ELOVL4: variants seen among roughly 807,000 people sequenced by gnomAD.
ELOVL4 encodes the protein very long chain fatty acid elongase 4.
Under a neutral mutation model 42.1 loss-of-function variants are expected in ELOVL4, and 18 were observed. That is an observed-to-expected ratio of 0.43 (90% CI 0.30 to 0.63). ELOVL4 has a LOEUF of 0.63. ELOVL4 is among the 30% of genes least tolerant of loss of function. The probability of loss-of-function intolerance (pLI) is 0.15; values close to 1 mark genes in which losing one functional copy is unlikely to be tolerated. For synonymous variants in ELOVL4, 117 were observed against 127.0 expected, an observed-to-expected ratio of 0.92 and a Z score of 0.53; for missense variants, 299 against 376.2, an observed-to-expected ratio of 0.79 and a Z score of 1.70.
In ELOVL4 at chr6:79,916,404, A is replaced by C. The variant is rs190076798; in HGVS notation, c.*204T>G. 327 of 613,448 alleles carry C rather than the reference A, an allele frequency of 5.3e-4. 1 individual carries two copies. The highest frequency in any genetic ancestry group is 5.1e-3 in the African/African-American group (274 of 54,070). The allele number at this position is 613,448 out of a possible 1,614,324, so 38.0% of individuals were successfully genotyped here. On this transcript the variant is annotated 3_prime_UTR_variant, in exon 6 of 6. Coordinates refer to ENST00000369816, the MANE Select transcript of ELOVL4 (RefSeq NM_022726.4). ...GAGAATATCAAGGCTAATTTTTAAA[A>C]AAAATGTTTAAAATAAAAACTTCAT...
chr6:79,929,486 C>G (rs1296799765), intron 1 of ELOVL4, among the ~76,000 whole-genome samples: 1 of 152,126 alleles, frequency 6.6e-6, no homozygotes, highest in African/African-American at 2.4e-5. Flanking sequence ...AGCAATCCAT[C>G]CACCTTGGCC....
At chr6:79,947,109 G>C in intron 1 of ELOVL4, 71 bp downstream of exon 1, 1 of 1,288,710 alleles carries the variant, frequency 7.8e-7, no homozygotes, top group Non-Finnish European at 1.1e-6. Context: ...CCGGGCCCGG[G>C]AGCTGCGAGA....
intron 1 of ELOVL4, among the ~76,000 whole-genome samples, chr6:79,931,729 C>A (rs1374558977): frequency 2.6e-5 from 4 of 152,094 alleles, no homozygotes; most frequent in African/African-American, 9.7e-5. Flanking sequence ...GAGGCCTCAG[C>A]AAATACTAAG....
intron 5 of ELOVL4, among the ~76,000 whole-genome samples, chr6:79,918,221 A>G (rs1238118378): frequency 6.6e-6 from 1 of 152,210 alleles, no homozygotes; most frequent in Non-Finnish European, 1.5e-5. Flanking sequence ...ATACTATATT[A>G]AACTTTTATA....
At chr6:79,932,502 G>A (rs1198651033) in intron 1 of ELOVL4, among the ~76,000 whole-genome samples, 3 of 150,992 alleles carry the variant, frequency 2.0e-5, no homozygotes, top group Admixed American at 6.6e-5. Flanking sequence ...CTGGAATCAC[G>A]CACTGCACTC....
chr6:79,921,544 CA>C (rs1317564626), intron 4 of ELOVL4, 80 bp downstream of exon 4: 69 of 1,088,484 alleles, frequency 6.3e-5, no homozygotes, highest in Non-Finnish European at 9.3e-5. Flanking sequence ...TAGATCAAGT[CA>C]AAGTCCTAGG....
intron 1 of ELOVL4, among the ~76,000 whole-genome samples, chr6:79,944,881 TTTTG>T (rs1389319451): frequency 1.3e-5 from 2 of 151,638 alleles, no homozygotes; most frequent in Non-Finnish European, 2.9e-5. Flanking sequence ...ACTCACCAAC[TTTTG>T]TTTAACCTCA....
chr6:79,935,379 A>T (rs1460574562), intron 1 of ELOVL4, among the ~76,000 whole-genome samples: 8 of 152,198 alleles, frequency 5.3e-5, no homozygotes, highest in African/African-American at 1.9e-4. Context: ...AACAGTAATT[A>T]AAAAAATTTT....
intron 1 of ELOVL4, among the ~76,000 whole-genome samples, chr6:79,929,072 A>G (rs1774398967): frequency 6.7e-6 from 1 of 148,820 alleles, no homozygotes; most frequent in South Asian, 2.1e-4. Flanking sequence ...AGCACAATCT[A>G]TCTTCATTTC....
At chr6:79,936,926 A>T (rs1363911390) in intron 1 of ELOVL4, among the ~76,000 whole-genome samples, 1 of 152,208 alleles carries the variant, frequency 6.6e-6, no homozygotes, top group Admixed American at 6.5e-5. Context: ...AGCAGGGAAA[A>T]TTTCTGTTCT....
At position 79,947,028 on chromosome 6, in the gene ELOVL4, C is replaced by G. The variant is rs78496216; in HGVS notation, c.100+152G>C. On this transcript the variant is annotated intron_variant, in intron 1 of 5. Coordinates refer to ENST00000369816, the MANE Select transcript of ELOVL4 (RefSeq NM_022726.4). ...CGGATCAGATTAACCAGTGCTCAACCGCAGTGCCCGCGCCGGCCCCTCCGC... is the reference window on the plus strand; with the variant it reads ...CGGATCAGATTAACCAGTGCTCAACGGCAGTGCCCGCGCCGGCCCCTCCGC... The G allele has an allele frequency of 7.4e-6, 5 of 676,230 alleles. No homozygotes were observed. The Admixed American group carries it at 1.1e-4, about 15-fold the overall frequency. 41.9% of individuals were successfully genotyped at this position (676,230 alleles called of 1,614,324 possible).
At chr6:79,932,948 C>G (rs239532) in intron 1 of ELOVL4, among the ~76,000 whole-genome samples, 35,510 of 151,854 alleles carry the variant, frequency 0.23, 6,017 homozygotes, top group African/African-American at 0.48. Context: ...TCTTTTTTCA[C>G]GGGGCAGAAT....
At position 79,923,652 on chromosome 6, in the gene ELOVL4, A is replaced by G. The variant is rs141927271; in HGVS notation, c.369+1300T>C. ...TCTAGGTTTTATTTCCTCCTTAGTC[A>G]TTTGTTTACATGGCTGCTGTCTGCC... On this transcript the variant is annotated intron_variant, in intron 3 of 5. Transcript: ENST00000369816. 1.3e-3 allele frequency among the ~76,000 whole-genome samples: 196 copies of G among 152,214 alleles called. 1 individual carries two copies. The highest frequency in any genetic ancestry group is 4.5e-3 in the African/African-American group (187 of 41,518).
At chr6:79,945,145 C>A (rs1397084590) in intron 1 of ELOVL4, among the ~76,000 whole-genome samples, 1 of 152,120 alleles carries the variant, frequency 6.6e-6, no homozygotes, top group East Asian at 1.9e-4. Context: ...ATCCACTAAG[C>A]CTCTCTGTTG....
rs1417581582 is a variant in ELOVL4, at chr6:79,947,366, G to A, written c.-87C>T. ...CGGAGGCGGTGGCGGCCGACGGGGC[G>A]AGCGGCGGCCGGGAACCCCTCTAAC... is the stretch of plus-strand genomic sequence containing the variant. On this transcript the variant is annotated 5_prime_UTR_variant, in exon 1 of 6. Coordinates refer to ENST00000369816, the MANE Select transcript of ELOVL4 (RefSeq NM_022726.4). 3.7e-6 allele frequency: 4 copies of A among 1,073,312 alleles called. No individual in the cohort carries two copies. The highest frequency in any genetic ancestry group is 1.6e-5 in the African/African-American group (1 of 64,122). 66.5% of individuals were successfully genotyped at this position (1,073,312 alleles called of 1,614,324 possible). A position where few individuals can be genotyped will look rare whatever the true frequency, so the allele number is the denominator to read the frequency against.
At chr6:79,944,490 A>T (rs1431370962) in intron 1 of ELOVL4, among the ~76,000 whole-genome samples, 1 of 152,228 alleles carries the variant, frequency 6.6e-6, no homozygotes, top group Non-Finnish European at 1.5e-5. Context: ...TAGCTCTTTC[A>T]AACTTTCAAT....
rs953022390 is a variant in ELOVL4 at position 79,947,525 on chromosome 6, C to A, written c.-246G>T. ...GACGAGGAGGTGGAGGAGGCCCAGC[C>A]GCCAGCACAGTGCGCTGCACCAGTC... On this transcript the variant is annotated 5_prime_UTR_variant, in exon 1 of 6. Transcript: ENST00000369816. 1 of 537,166 alleles carries A rather than the reference C, an allele frequency of 1.9e-6. No individual in the cohort carries two copies. Among genetic ancestry groups the A allele is most frequent in the Non-Finnish European group, 3.3e-6 (1 of 298,690 alleles). 33.3% of individuals were successfully genotyped at this position (537,166 alleles called of 1,614,324 possible). A position where few individuals can be genotyped will look rare whatever the true frequency, so the allele number is the denominator to read the frequency against.
intron 2 of ELOVL4, among the ~76,000 whole-genome samples, 164 bp from the exon 3 acceptor site, chr6:79,925,196 C>A (rs181296087): frequency 4.6e-5 from 7 of 152,234 alleles, no homozygotes; most frequent in Admixed American, 4.6e-4. Context: ...CTAGAAGTTA[C>A]TGTGCATTAA....
At chr6:79,933,237 T>C (rs1348439332) in intron 1 of ELOVL4, among the ~76,000 whole-genome samples, 1 of 152,032 alleles carries the variant, frequency 6.6e-6, no homozygotes, top group East Asian at 1.9e-4. Flanking sequence ...TGTTTGTTTG[T>C]TTGTTTGTTT....
Sources: gnomAD v4.1 joint callset for allele counts (sites outside exome capture counted in the v4.1 genomes callset) on GRCh38, gnomAD v4.1.1 for gene constraint, MANE v1.5 for transcripts, NCBI Gene and HGNC (gene_info 2026-07-23, HGNC 2026-07-21) for gene names.